PAPPA: variants seen among roughly 807,000 people sequenced by gnomAD.
The protein encoded by PAPPA is pappalysin 1.
PAPPA carries 60 observed loss-of-function variants against 164.0 expected under a neutral mutation model. The observed-to-expected ratio is 0.37, with a 90% CI of 0.30 to 0.45. The LOEUF (loss-of-function observed/expected upper bound fraction) is 0.45, where lower values mean the gene tolerates loss of function less well. Among genes scored for constraint, PAPPA ranks in the 20% least tolerant of loss-of-function variants. The pLI is 1.00. For missense variants in PAPPA, 1,782 were observed against 2,087.3 expected (o/e 0.85, Z 2.85); for synonymous variants, 875 against 814.1 (o/e 1.07, Z -1.27).
intron 7 of PAPPA, among the ~76,000 whole-genome samples, chr9:116,252,089 A>C (rs559552106): frequency 1.3e-5 from 2 of 152,366 alleles, no homozygotes; most frequent in South Asian, 2.1e-4. Flanking sequence ...TGTTAGTTTT[A>C]TTAAATTGGC....
chr9:116,320,076 C>T (rs7848432), intron 10 of PAPPA, among the ~76,000 whole-genome samples: 1,723 of 152,236 alleles, frequency 0.011, 26 homozygotes, highest in African/African-American at 0.038. Flanking sequence ...TGATTCTGAA[C>T]CATATCATTT....
intron 1 of PAPPA, among the ~76,000 whole-genome samples, chr9:116,177,249 T>C (rs914947886): frequency 2.0e-5 from 3 of 152,106 alleles, no homozygotes; most frequent in African/African-American, 7.2e-5. Flanking sequence ...TGCCTCAAGG[T>C]CATCACAGAG....
intron 7 of PAPPA, among the ~76,000 whole-genome samples, chr9:116,247,769 T>C (rs1844813847): frequency 6.6e-6 from 1 of 152,132 alleles, no homozygotes; most frequent in Admixed American, 6.5e-5. Context: ...CTTGGTGGGT[T>C]TATGTTGTGT....
intron 20 of PAPPA, 101 bp from the exon 21 acceptor site, chr9:116,382,294 T>C: frequency 1.3e-6 from 1 of 755,118 alleles, no homozygotes. Context: ...CGTGGAAGGC[T>C]GTGAAAAGAT....
At chr9:116,233,067 A>T (rs1406111718) in intron 6 of PAPPA, among the ~76,000 whole-genome samples, 1 of 152,232 alleles carries the variant, frequency 6.6e-6, no homozygotes, top group African/African-American at 2.4e-5. Flanking sequence ...CACCATCAGG[A>T]AGCATGCTTT....
intron 1 of PAPPA, among the ~76,000 whole-genome samples, chr9:116,180,719 G>A (rs1843894975): frequency 6.6e-6 from 1 of 152,090 alleles, no homozygotes; most frequent in African/African-American, 2.4e-5. Context: ...AAAGTCAAAT[G>A]TTATCAGAGA....
chr9:116,253,893 T>C (rs1844890899), intron 7 of PAPPA, among the ~76,000 whole-genome samples: 1 of 152,182 alleles, frequency 6.6e-6, no homozygotes, highest in Non-Finnish European at 1.5e-5. Context: ...CTACAGGGAA[T>C]ATTTGGTCTC....
At chr9:116,170,015 G>C (rs886655810) in intron 1 of PAPPA, among the ~76,000 whole-genome samples, 19 of 152,240 alleles carry the variant, frequency 1.2e-4, no homozygotes, top group African/African-American at 3.9e-4. Context: ...AACGAGGATA[G>C]GGGAGTTTTT....
chr9:116,296,489 T>C (rs1294309646), intron 9 of PAPPA, among the ~76,000 whole-genome samples: 2 of 152,198 alleles, frequency 1.3e-5, no homozygotes, highest in African/African-American at 2.4e-5. Flanking sequence ...CACAATTCTG[T>C]TCGCAGAGAT....
At chr9:116,190,643 A>G (rs1844030078) in intron 2 of PAPPA, among the ~76,000 whole-genome samples, 1 of 152,248 alleles carries the variant, frequency 6.6e-6, no homozygotes, top group African/African-American at 2.4e-5. Flanking sequence ...TCATTGAGAC[A>G]GGATGAAGAG....
At chr9:116,161,048 G>A (rs539847146) in intron 1 of PAPPA, among the ~76,000 whole-genome samples, 40 of 152,304 alleles carry the variant, frequency 2.6e-4, no homozygotes, top group African/African-American at 7.0e-4. Context: ...GGGAGAAGCC[G>A]TTGGCTGAGG....
chr9:116,385,652 C>T (rs996018427), intron 21 of PAPPA, among the ~76,000 whole-genome samples: 1 of 152,208 alleles, frequency 6.6e-6, no homozygotes, highest in Admixed American at 6.5e-5. Context: ...TCCTCCTTGT[C>T]TACCCACATT....
At chr9:116,196,518 A>T (rs1193596102) in intron 2 of PAPPA, among the ~76,000 whole-genome samples, 1 of 152,188 alleles carries the variant, frequency 6.6e-6, no homozygotes, top group Non-Finnish European at 1.5e-5. Context: ...ATTTTGTTTT[A>T]TTGAAATACA....
rs1331948905 is a variant in PAPPA at position 116,187,658 on chromosome 9, A to G, written c.920A>G (p.Lys307Arg). The change falls in exon 2 of 22, where the codon AAA (lysine) becomes AGA (arginine). Residue 307 changes from lysine (K) to arginine (R), a missense_variant. Physicochemically the swap from Lys to Arg is conservative, Grantham distance 26. Transcript: ENST00000328252. The surrounding 1 kb of genome is among the most constrained non-coding windows in gnomAD (Gnocchi z 4.2). ...WSPMKDGSSP[K>R]VEFSNAHGFL... ...CCCATGAAGGATGGCAGCAGCCCCA[A>G]AGTGGAATTCAGCAATGCCCACGGC... is the stretch of plus-strand genomic sequence containing the variant. 5 of 1,614,232 alleles carry G rather than the reference A, an allele frequency of 3.1e-6. 1 individual carries two copies. In the African/African-American group the frequency reaches 4.0e-5, roughly 13 times the overall value.
At position 116,207,632 on chromosome 9, in the gene PAPPA, C is replaced by T. The variant is rs766795196; in HGVS notation, c.1624+31C>T. The T allele has an allele frequency of 5.0e-6, 8 of 1,585,906 alleles. No individual in the cohort carries two copies. In the Admixed American group the frequency reaches 8.5e-5, roughly 17 times the overall value. ...TCTTAGAAACTCCTTCAGGAGGCAA[C>T]TAGAGTAGGACAGTAATACACTTAG... On this transcript the variant is annotated intron_variant, in intron 3 of 21. Coordinates refer to ENST00000328252, the MANE Select transcript of PAPPA (RefSeq NM_002581.5).
At chr9:116,195,455 A>T (rs756117871) in intron 2 of PAPPA, among the ~76,000 whole-genome samples, 3 of 152,216 alleles carry the variant, frequency 2.0e-5, no homozygotes, top group Non-Finnish European at 2.9e-5. Context: ...AATAAATAAG[A>T]ATACAAGTTT....
chr9:116,165,865 A>T (rs1843714228), intron 1 of PAPPA, among the ~76,000 whole-genome samples: 1 of 152,088 alleles, frequency 6.6e-6, no homozygotes. Context: ...TACCTTGTTC[A>T]TCTGTTCCCA....
In PAPPA at chr9:116,235,526, A is replaced by G. The variant is rs1044172654; in HGVS notation, c.2621A>G (p.Asp874Gly). 1.9e-6 allele frequency: 3 copies of G among 1,613,480 alleles called. No individual in the cohort carries two copies. Among genetic ancestry groups the G allele is most frequent in the African/African-American group, 1.3e-5 (1 of 74,892 alleles). ...GCTGCCATGTTGACCTCCACTGCAG[A>G]CACCCCACTCTGTCTACAGTGTAAG... The part of the protein sequence containing the change: ...IDAAMLTSTA[D>G]TPLCLQCKPL... Residue 874 changes from aspartate to glycine, a missense_variant, in exon 7 of 22, where the codon GAC becomes GGC. Physicochemically the swap from Asp to Gly is moderately conservative, Grantham distance 94 (BLOSUM62 -1). Coordinates refer to ENST00000328252, the MANE Select transcript of PAPPA (RefSeq NM_002581.5).
chr9:116,263,042 CT>C (rs1420517281), intron 7 of PAPPA, among the ~76,000 whole-genome samples: 23 of 152,138 alleles, frequency 1.5e-4, no homozygotes, highest in Admixed American at 1.5e-3. Flanking sequence ...CTGTCCCCAC[CT>C]TTTAACTTAA....
Sources: allele counts gnomAD v4.1 joint callset (sites outside exome capture counted in the v4.1 genomes callset), GRCh38; gene constraint gnomAD v4.1.1; non-coding constraint Gnocchi (gnomAD v3.1); transcripts MANE v1.5; gene names NCBI Gene and HGNC (gene_info 2026-07-23, HGNC 2026-07-21).